The following SOX6 variants were observed in gnomAD, a reference collection of about 807,000 sequenced individuals.
SOX6 encodes the protein SRY-box transcription factor 6, also known as transcription factor SOX-6.
Under a neutral mutation model 97.8 loss-of-function variants are expected in SOX6, and 11 were observed. The ratio of observed to expected loss-of-function variants is 0.11; its 90% CI spans 0.07 to 0.19. The LOEUF is 0.19. Among genes scored for constraint, SOX6 ranks in the 10% least tolerant of loss-of-function variants. The pLI is 1.00. For missense variants in SOX6, 810 were observed against 1,039.5 expected (o/e 0.78, Z 3.04); for synonymous variants, 360 against 371.4 (o/e 0.97, Z 0.35).
At chr11:16,193,014 T>C (rs1398061882) in intron 4 of SOX6, among the ~76,000 whole-genome samples, 2 of 152,150 alleles carry the variant, frequency 1.3e-5, no homozygotes, top group African/African-American at 2.4e-5. Flanking sequence ...ATAAAAATCT[T>C]AAACAGGTCA....
chr11:16,734,657 G>A (rs975405026), intron 2 of SOX6, among the ~76,000 whole-genome samples: 1 of 152,112 alleles, frequency 6.6e-6, no homozygotes, highest in Non-Finnish European at 1.5e-5. Flanking sequence ...TCCACTTGGT[G>A]TCCTACTAAT....
chr11:16,321,036 C>T (rs751019121), intron 2 of SOX6, among the ~76,000 whole-genome samples: 4 of 152,096 alleles, frequency 2.6e-5, no homozygotes, highest in Non-Finnish European at 4.4e-5. Flanking sequence ...GGAACCCCTT[C>T]TTTTAGATGC....
chr11:16,411,650 C>T (rs1286905716), intron 1 of SOX6, among the ~76,000 whole-genome samples: 4 of 152,012 alleles, frequency 2.6e-5, no homozygotes, highest in African/African-American at 9.7e-5. Context: ...AATATAAAAA[C>T]ACAAACAAAA....
chr11:16,426,419 A>G (rs1859133936), intron 1 of SOX6, among the ~76,000 whole-genome samples: 1 of 152,052 alleles, frequency 6.6e-6, no homozygotes, highest in African/African-American at 2.4e-5. Flanking sequence ...CTACAGGGCT[A>G]CGGTAACCAA....
chr11:16,134,874 G>A (rs147589135), intron 6 of SOX6, among the ~76,000 whole-genome samples: 5 of 152,284 alleles, frequency 3.3e-5, no homozygotes, highest in African/African-American at 1.2e-4. Flanking sequence ...GTGAAAGGAA[G>A]AGTCACACAT....
chr11:16,375,029 T>A (rs1857606905), intron 1 of SOX6, among the ~76,000 whole-genome samples: 1 of 152,016 alleles, frequency 6.6e-6, no homozygotes, highest in Non-Finnish European at 1.5e-5. Flanking sequence ...TAGCAACTTT[T>A]AAGAATGGAA....
At chr11:16,667,855 C>T (rs1348465214) in intron 3 of SOX6, among the ~76,000 whole-genome samples, 1 of 151,928 alleles carries the variant, frequency 6.6e-6, no homozygotes, top group East Asian at 1.9e-4. Flanking sequence ...AAGATGAACC[C>T]ACCAAAAGTA....
chr11:16,146,422 C>A (rs974443603), intron 6 of SOX6, among the ~76,000 whole-genome samples: 1 of 152,086 alleles, frequency 6.6e-6, no homozygotes, highest in Non-Finnish European at 1.5e-5. Context: ...TAGGCAATAC[C>A]ATTCAGGACA....
chr11:16,061,771 T>C (rs1847963232), intron 9 of SOX6, among the ~76,000 whole-genome samples: 1 of 151,452 alleles, frequency 6.6e-6, no homozygotes, highest in African/African-American at 2.4e-5. Flanking sequence ...TTTGACAAAA[T>C]TGATAAGAAC....
At chr11:16,395,477 T>C (rs922765198) in intron 1 of SOX6, among the ~76,000 whole-genome samples, 12 of 151,642 alleles carry the variant, frequency 7.9e-5, no homozygotes, top group East Asian at 1.9e-4. Flanking sequence ...TATGTGAATA[T>C]CTTGGTGTAA....
intron 3 of SOX6, among the ~76,000 whole-genome samples, chr11:16,306,470 G>A (rs1365743747): frequency 1.3e-5 from 2 of 151,992 alleles, no homozygotes; most frequent in African/African-American, 2.4e-5. Context: ...TTCAATAAAC[G>A]GAGAGAATAC....
At chr11:16,464,857 T>C (rs536202297) in intron 1 of SOX6, among the ~76,000 whole-genome samples, 29 of 152,086 alleles carry the variant, frequency 1.9e-4, no homozygotes, top group Non-Finnish European at 2.4e-4. Flanking sequence ...AGGCACTGAG[T>C]TGAAATAAAT....
chr11:16,717,013 C>T (rs1405995940), intron 2 of SOX6, among the ~76,000 whole-genome samples: 5 of 151,876 alleles, frequency 3.3e-5, no homozygotes, highest in Non-Finnish European at 7.4e-5. Context: ...GCTATATATG[C>T]TTATGATTTG....
intron 1 of SOX6, among the ~76,000 whole-genome samples, chr11:16,443,608 G>T (rs1267545576): frequency 1.3e-5 from 2 of 152,080 alleles, no homozygotes; most frequent in African/African-American, 2.4e-5. Flanking sequence ...TGGGGTACAT[G>T]TGCAGGTTTT....
chr11:16,623,210 G>A (rs570773522), intron 3 of SOX6, among the ~76,000 whole-genome samples: 6 of 152,026 alleles, frequency 3.9e-5, no homozygotes, highest in East Asian at 1.9e-4. Flanking sequence ...TAGTAGAGAC[G>A]GGGTTTCACC....
intron 12 of SOX6, among the ~76,000 whole-genome samples, chr11:16,043,472 C>T (rs149604357): frequency 1.6e-4 from 25 of 152,234 alleles, no homozygotes; most frequent in African/African-American, 5.8e-4. Flanking sequence ...CCACTGGTGC[C>T]GTGCTGGCCA....
intron 6 of SOX6, among the ~76,000 whole-genome samples, chr11:16,162,134 GA>G (rs1850765611): frequency 6.6e-6 from 1 of 152,102 alleles, no homozygotes; most frequent in Non-Finnish European, 1.5e-5. Context: ...GAAATCTGTG[GA>G]AATTTCCAAA....
intron 13 of SOX6, among the ~76,000 whole-genome samples, chr11:16,008,500 G>A (rs1159652065): frequency 6.6e-6 from 1 of 152,028 alleles, no homozygotes; most frequent in Non-Finnish European, 1.5e-5. Context: ...GAGAGGCTGG[G>A]TCTTTGATTG....
rs958720547 is a variant in SOX6 at position 16,605,934 on chromosome 11, G to A, written n.609+6147C>T. The A allele has an allele frequency of 6.6e-6, 1 of 152,250 alleles. No homozygotes were observed. The highest frequency in any genetic ancestry group is 6.5e-5 in the Admixed American group (1 of 15,288). 9.4% of individuals were successfully genotyped at this position (152,250 alleles called of 1,614,324 possible). A position where few individuals can be genotyped will look rare whatever the true frequency, so the allele number is the denominator to read the frequency against. On this transcript the variant is annotated intron_variant and non_coding_transcript_variant, in intron 4 of 5. Coordinates refer to the SOX6 transcript ENST00000524520. This position sits in a 1 kb window ranked among gnomAD's most constrained non-coding sequence, Gnocchi z 5.3. ...TAGTCTCTATTCTTTGGGGGATGCG[G>A]TTTAGGTCGGCTCGCAAGGGAAGCC...
Sources: allele counts gnomAD v4.1 joint callset (sites outside exome capture counted in the v4.1 genomes callset), GRCh38; gene constraint gnomAD v4.1.1; non-coding constraint Gnocchi (gnomAD v3.1); transcripts MANE v1.5; gene names NCBI Gene and HGNC (gene_info 2026-07-23, HGNC 2026-07-21).